The following BCAS3 variants were observed in gnomAD, a reference collection of about 807,000 sequenced individuals.
The protein encoded by BCAS3 is BCAS3 microtubule associated cell migration factor.
Under a neutral mutation model 116.1 loss-of-function variants are expected in BCAS3, and 53 were observed. The ratio of observed to expected loss-of-function variants is 0.46; its 90% confidence interval spans 0.37 to 0.57. BCAS3 has a LOEUF of 0.57. Among genes scored for constraint, BCAS3 ranks in the 20% least tolerant of loss-of-function variants. The pLI, the probability that BCAS3 is intolerant of heterozygous loss-of-function variation, is 0.00. For missense variants in BCAS3, 917 were observed against 1,165.4 expected (o/e 0.79, Z 3.10); for synonymous variants, 391 against 408.2 (o/e 0.96, Z 0.51).
At chr17:61,238,161 T>C (rs1040133450) in intron 22 of BCAS3, among the ~76,000 whole-genome samples, 1 of 151,948 alleles carries the variant, frequency 6.6e-6, no homozygotes. Flanking sequence ...CAAGCGATTT[T>C]CCTACCTCAG....
rs1207839668 is a variant in BCAS3, at chr17:60,990,272, C to T, written c.1486+37C>T. ...TGTCTCCACTGTTATCTTGAATCTT[C>T]CTTCCCTTTGTCCTTATTTTTACAG... On this transcript the variant is annotated intron_variant, in intron 15 of 23. Transcript: ENST00000407086. The surrounding 1 kb of genome is among the most constrained non-coding windows in gnomAD (Gnocchi z 5.1). The T allele has an allele frequency of 1.3e-6, 2 of 1,598,366 alleles. No individual in the cohort carries two copies. Among genetic ancestry groups the T allele is most frequent in the Non-Finnish European group, 1.7e-6 (2 of 1,168,866 alleles).
intron 5 of BCAS3, among the ~76,000 whole-genome samples, chr17:60,738,892 C>T (rs2041242463): frequency 6.6e-6 from 1 of 152,074 alleles, no homozygotes; most frequent in African/African-American, 2.4e-5. Context: ...TGTAGCAAGC[C>T]ATCATGACTG....
At chr17:61,269,857 G>A (rs1192235743) in intron 22 of BCAS3, among the ~76,000 whole-genome samples, 2 of 150,174 alleles carry the variant, frequency 1.3e-5, no homozygotes, top group Non-Finnish European at 3.0e-5. Context: ...AGGCTGGAGT[G>A]CAGTGGCATG....
intron 7 of BCAS3, among the ~76,000 whole-genome samples, chr17:60,823,210 T>C (rs931734570): frequency 2.0e-5 from 3 of 152,206 alleles, no homozygotes; most frequent in African/African-American, 7.2e-5. Flanking sequence ...CTCTTTAATC[T>C]GTAGTTTGCC....
At position 61,360,726 on chromosome 17, in the gene BCAS3, G is replaced by T. The variant is rs537344467; in HGVS notation, c.2426-7601G>T. Among the ~76,000 whole-genome samples, 9 of 152,300 alleles carry T rather than the reference G, an allele frequency of 5.9e-5. No homozygotes were observed. The South Asian group carries it at 1.9e-3, about 32-fold the overall frequency. ...CAACTTGAGATCCTTAATTACATTT[G>T]CAAGGACCCATTTCCAAATAAGGCC... On this transcript the variant is annotated intron_variant, in intron 22 of 23. Coordinates refer to ENST00000407086, the MANE Select transcript of BCAS3 (RefSeq NM_017679.5).
At chr17:61,057,921 T>C (rs568623375) in intron 19 of BCAS3, among the ~76,000 whole-genome samples, 12 of 152,238 alleles carry the variant, frequency 7.9e-5, no homozygotes, top group African/African-American at 2.2e-4. Flanking sequence ...TACTTTGTTT[T>C]AAATTATAGT....
In BCAS3 at chr17:61,305,768, C is replaced by T. The variant is rs1037198226; in HGVS notation, c.2426-62559C>T. 3.9e-5 allele frequency among the ~76,000 whole-genome samples: 6 copies of T among 152,194 alleles called. No homozygotes were observed. The East Asian group carries it at 1.2e-3, about 29-fold the overall frequency. The stretch of plus-strand genomic sequence containing the variant: ...AAAATTAGCTGGGTGTGGTAGCGTG[C>T]GGCTGTAATCCCAGCTACTCAGGAG... On this transcript the variant is annotated intron_variant, in intron 22 of 23. Coordinates refer to ENST00000407086, the MANE Select transcript of BCAS3 (RefSeq NM_017679.5).
In BCAS3 at chr17:61,313,224, G is replaced by C. The variant is rs2054465892; in HGVS notation, c.2426-55103G>C. Among the ~76,000 whole-genome samples the C allele has an allele frequency of 2.0e-5, 3 of 152,144 alleles. No individual in the cohort carries two copies. The highest frequency in any genetic ancestry group is 4.8e-5 in the African/African-American group (2 of 41,424). ...TATTTTGCTCTAAGAGGAAACTAAGGTTCAAAGAACCAATACTTTCTCAAT... is the reference window on the plus strand; with the variant it reads ...TATTTTGCTCTAAGAGGAAACTAAGCTTCAAAGAACCAATACTTTCTCAAT... On this transcript the variant is annotated intron_variant, in intron 22 of 23. Coordinates refer to ENST00000407086, the MANE Select transcript of BCAS3 (RefSeq NM_017679.5). The surrounding 1 kb of genome is among the most constrained non-coding windows in gnomAD (Gnocchi z 4.3).
rs538101415 is a variant in BCAS3, at chr17:60,995,246, G to A, written c.1486+5011G>A. 3.4e-4 allele frequency among the ~76,000 whole-genome samples: 51 copies of A among 152,184 alleles called. No homozygotes were observed. Among genetic ancestry groups the A allele is most frequent in the Non-Finnish European group, 5.6e-4 (38 of 67,988 alleles). ...TGGCTTGCTGCAACCTCCACCTCCC[G>A]GGTTCAAGTGATTCTTCTGCTTCAG... is the stretch of plus-strand genomic sequence containing the variant. On this transcript the variant is annotated intron_variant, in intron 15 of 23. Transcript: ENST00000407086. The surrounding 1 kb of genome is among the most constrained non-coding windows in gnomAD (Gnocchi z 4.7).
rs759146185 is a variant in BCAS3, at chr17:60,947,222, T to G, written c.1091T>G (p.Met364Arg). The change falls in exon 14 of 24, where the codon ATG becomes AGG. Residue 364 changes from methionine to arginine, a missense_variant. By Grantham distance (91) the Met-to-Arg change is moderately conservative. Coordinates refer to ENST00000407086, the MANE Select transcript of BCAS3 (RefSeq NM_017679.5). ...VCCMAFNTSGMLLVTTDTLGH... is the reference protein window; with the variant it reads ...VCCMAFNTSGRLLVTTDTLGH... The stretch of plus-strand genomic sequence containing the variant: ...CCCTTTGTTTTTTGTCTTCCAGGAA[T>G]GCTTCTAGTCACAACAGACACCCTT... 5 of 1,610,700 alleles carry G rather than the reference T, an allele frequency of 3.1e-6. No homozygotes were observed. The highest frequency in any genetic ancestry group is 3.3e-4 in the Middle Eastern group (2 of 6,080).
chr17:61,274,321 G>A (rs369517354), intron 22 of BCAS3, among the ~76,000 whole-genome samples: 1 of 122,650 alleles, frequency 8.2e-6, no homozygotes, highest in Non-Finnish European at 1.6e-5. Context: ...CAAGTTCTCA[G>A]TTTGTCGCCC....
chr17:61,288,409 A>G (rs2052044766), intron 22 of BCAS3, among the ~76,000 whole-genome samples: 1 of 152,194 alleles, frequency 6.6e-6, no homozygotes, highest in Admixed American at 6.5e-5. Context: ...TCCAGGCAGC[A>G]AGGGCCCAAG....
At chr17:61,076,003 C>G (rs372546610) in intron 20 of BCAS3, among the ~76,000 whole-genome samples, 4 of 152,064 alleles carry the variant, frequency 2.6e-5, no homozygotes, top group Non-Finnish European at 5.9e-5. Context: ...AAGCAATCCT[C>G]CTGTGTTGGC....
rs978349120 is a variant in BCAS3, at chr17:61,348,648, C to T, written c.2426-19679C>T. On this transcript the variant is annotated intron_variant, in intron 22 of 23. Coordinates refer to ENST00000407086, the MANE Select transcript of BCAS3 (RefSeq NM_017679.5). The surrounding 1 kb of genome is among the most constrained non-coding windows in gnomAD (Gnocchi z 4.5). ...GCAATTTCCCAATGAAGTCAACTTG[C>T]TTTATAGAGTCTGGGTTGCCCACAA... is the stretch of plus-strand genomic sequence containing the variant. Among the ~76,000 whole-genome samples the T allele has an allele frequency of 2.6e-5, 4 of 151,908 alleles. No individual in the cohort carries two copies. The highest frequency in any genetic ancestry group is 7.3e-5 in the African/African-American group (3 of 41,352).
chr17:60,832,461 C>CTCACT (rs1320502104), intron 7 of BCAS3, among the ~76,000 whole-genome samples: 1 of 152,174 alleles, frequency 6.6e-6, no homozygotes, highest in Non-Finnish European at 1.5e-5. Flanking sequence ...TACCACCCAC[C>CTCACT]TCACTTGTTG....
chr17:60,862,436 C>T (rs903364691), intron 7 of BCAS3, among the ~76,000 whole-genome samples: 2 of 151,966 alleles, frequency 1.3e-5, no homozygotes, highest in African/African-American at 4.8e-5. Context: ...TTCATTTGGT[C>T]CAGGGCTTTT....
chr17:61,279,823 T>C lies in BCAS3; in HGVS notation c.2426-88504T>C, dbSNP rs1242110076. Among the ~76,000 whole-genome samples, 1 of 152,002 alleles carries C rather than the reference T, an allele frequency of 6.6e-6. No individual in the cohort carries two copies. Among genetic ancestry groups the C allele is most frequent in the Non-Finnish European group, 1.5e-5 (1 of 67,988 alleles). ...AGGTAACCACAAGCCAAGTTGGGCT[T>C]GGCTGCTGCAGGCTGATTGGATGAC... On this transcript the variant is annotated intron_variant, in intron 22 of 23. Coordinates refer to ENST00000407086, the MANE Select transcript of BCAS3 (RefSeq NM_017679.5). The surrounding 1 kb of genome is among the most constrained non-coding windows in gnomAD (Gnocchi z 4.4).
At chr17:60,913,118 A>G (rs1450531993) in intron 12 of BCAS3, among the ~76,000 whole-genome samples, 5 of 152,100 alleles carry the variant, frequency 3.3e-5, no homozygotes, top group Non-Finnish European at 1.5e-5. Flanking sequence ...GAAATGGACT[A>G]TAGATTGGAG....
In BCAS3 at chr17:60,709,301, T is replaced by C. The variant is rs1165291734; in HGVS notation, c.297T>C (p.Asp99=). 1 of 1,597,454 alleles carries C rather than the reference T, an allele frequency of 6.3e-7. No individual in the cohort carries two copies. The highest frequency in any genetic ancestry group is 8.6e-7 in the Non-Finnish European group (1 of 1,164,686). The change falls in exon 5 of 24, where the codon GAT becomes GAC. Residue 99 remains aspartate (D), a synonymous_variant. Transcript: ENST00000407086. ...TGTTGATTATGATTGGCTACAGTGA[T>C]GGAATGCAGGTCTGGAGCATCCCTG... The part of the protein sequence containing the change: ...PPLLIMIGYS[D]GMQVWSIPIS...
Sources: gnomAD v4.1 joint callset for allele counts (sites outside exome capture counted in the v4.1 genomes callset) on GRCh38, gnomAD v4.1.1 for gene constraint, Gnocchi (gnomAD v3.1) non-coding constraint, MANE v1.5 for transcripts, NCBI Gene and HGNC (gene_info 2026-07-23, HGNC 2026-07-21) for gene names.